DPP6: variants seen among roughly 807,000 people sequenced by gnomAD.
DPP6 encodes dipeptidyl peptidase like 6, also known as A-type potassium channel modulatory protein DPP6.
DPP6 carries 69 observed loss-of-function variants against 122.6 expected under a neutral mutation model. The observed-to-expected ratio is 0.56, with a 90% CI of 0.46 to 0.69. The LOEUF (loss-of-function observed/expected upper bound fraction) is 0.69, where lower values mean the gene tolerates loss of function less well. Ranked by LOEUF, DPP6 falls within the 30% of genes least tolerant of loss-of-function variation. The pLI is 0.00. For missense variants in DPP6, 928 were observed against 1,116.9 expected, an observed-to-expected ratio of 0.83 and a Z score of 2.41; for synonymous variants, 418 against 433.1, an observed-to-expected ratio of 0.97 and a Z score of 0.43.
the DPP6 span, among the ~76,000 whole-genome samples, chr7:153,860,322 G>T: frequency 2.0e-5 from 3 of 152,250 alleles, no homozygotes; most frequent in South Asian, 6.2e-4. Flanking sequence ...TCTCCACCCT[G>T]CTCAGTGCCC....
At chr7:154,439,148 C>A (rs1333142553) in intron 1 of DPP6, among the ~76,000 whole-genome samples, 1 of 152,092 alleles carries the variant, frequency 6.6e-6, no homozygotes, top group South Asian at 2.1e-4. Context: ...TTATTGAGTG[C>A]CTGCAGGGAT....
At position 154,202,048 on chromosome 7, in the gene DPP6, G is replaced by A. The variant is rs143641423; in HGVS notation, c.243+148985G>A. Among the ~76,000 whole-genome samples, 1,307 of 152,248 alleles carry A rather than the reference G, an allele frequency of 8.6e-3. 16 individuals are homozygous for A. Among genetic ancestry groups the A allele is most frequent in the African/African-American group, 0.03 (1,233 of 41,500 alleles). ...ACAGTTAGTAGTACCTAAAAGTGGA[G>A]CTACGACTAGTTTTCTTGGAGTGAG... On this transcript the variant is annotated intron_variant, in intron 1 of 25. Transcript: ENST00000377770.
intron 8 of DPP6, among the ~76,000 whole-genome samples, chr7:154,766,679 T>C (rs1795920012): frequency 6.6e-6 from 1 of 152,206 alleles, no homozygotes; most frequent in Non-Finnish European, 1.5e-5. Context: ...GAATTGAGCT[T>C]CATGGAAACA....
At chr7:154,524,885 G>A (rs57648704) in intron 3 of DPP6, among the ~76,000 whole-genome samples, 2,776 of 152,088 alleles carry the variant, frequency 0.018, 79 homozygotes, top group African/African-American at 0.064. Context: ...TTGCTTTCTG[G>A]CCAGTAAGAT....
At chr7:154,262,875 C>T (rs1057242480) in intron 1 of DPP6, among the ~76,000 whole-genome samples, 4 of 152,138 alleles carry the variant, frequency 2.6e-5, no homozygotes, top group Non-Finnish European at 4.4e-5. Context: ...CGCACTGTTA[C>T]TGGCTAAGGT....
the DPP6 span, among the ~76,000 whole-genome samples, chr7:153,758,303 C>G: frequency 6.6e-6 from 1 of 152,174 alleles, no homozygotes; most frequent in Non-Finnish European, 1.5e-5. Flanking sequence ...AGATTATTAC[C>G]TCTTTTGTTC....
chr7:154,450,818 C>A (rs568529186), intron 2 of DPP6, among the ~76,000 whole-genome samples: 1 of 152,302 alleles, frequency 6.6e-6, no homozygotes, highest in Admixed American at 6.5e-5. Flanking sequence ...CTACATATTT[C>A]TAACGAATAT....
intron 17 of DPP6, among the ~76,000 whole-genome samples, chr7:154,859,530 C>A (rs940845): frequency 0.034 from 5,161 of 152,338 alleles, 121 homozygotes; most frequent in East Asian, 0.11. Flanking sequence ...TTTCAGAATT[C>A]TTTGTCCTTT....
chr7:154,239,096 A>G (rs2150868692), intron 1 of DPP6, among the ~76,000 whole-genome samples: 1 of 152,376 alleles, frequency 6.6e-6, no homozygotes, highest in Non-Finnish European at 1.5e-5. Context: ...AAGCTCCACA[A>G]GAATGTTTTA....
At chr7:153,846,597 G>C in the DPP6 span, among the ~76,000 whole-genome samples, 1 of 147,882 alleles carries the variant, frequency 6.8e-6, no homozygotes, top group Admixed American at 6.8e-5. Context: ...TTTTTTTTCT[G>C]CCTCATCCAA....
chr7:153,855,852 A>G, the DPP6 span, among the ~76,000 whole-genome samples: 1 of 152,132 alleles, frequency 6.6e-6, no homozygotes, highest in Non-Finnish European at 1.5e-5. Context: ...TCAAAAAAAA[A>G]TATGATGTAA....
At chr7:154,095,191 G>A (rs1805236764) in intron 1 of DPP6, 1 of 150,476 alleles carries the variant, frequency 6.6e-6, no homozygotes, top group Non-Finnish European at 1.5e-5. Flanking sequence ...ACATCTGTGA[G>A]CAAGGAAACT....
upstream of DPP6, among the ~76,000 whole-genome samples, chr7:154,052,013 G>T (rs972721032): frequency 2.0e-5 from 3 of 151,478 alleles, no homozygotes. This position sits in a 1 kb window ranked among gnomAD's most constrained non-coding sequence, Gnocchi z 4.8. Flanking sequence ...GCGCGTGCGT[G>T]GCTGGGGCGC....
chr7:154,384,367 G>A (rs531688692), intron 1 of DPP6, among the ~76,000 whole-genome samples: 1 of 152,340 alleles, frequency 6.6e-6, no homozygotes, highest in African/African-American at 2.4e-5. Context: ...CACTGGGATT[G>A]AGAACATTCA....
At chr7:153,889,692 C>T (rs1799103178) in intron 1 of DPP6, among the ~76,000 whole-genome samples, 1 of 152,134 alleles carries the variant, frequency 6.6e-6, no homozygotes, top group Non-Finnish European at 1.5e-5. Context: ...AAGGATATTC[C>T]ATGTGATACT....
chr7:154,669,364 C>A lies in DPP6; in HGVS notation c.685C>A (p.Pro229Thr), dbSNP rs954737131. ...YVLSKIPHGD[P>T]QSLDPPEVSN... Reference sequence around the variant, plus strand: ...GTTTGTTTGTTCAATTTTCAGGGATCCTCAAAGTCTGGACCCACCAGAAGT... The same window carrying A: ...GTTTGTTTGTTCAATTTTCAGGGATACTCAAAGTCTGGACCCACCAGAAGT... Residue 229 changes from proline (P) to threonine (T), a missense_variant, in exon 7 of 26, where the codon CCT (proline) becomes ACT (threonine). Physicochemically the swap from Pro to Thr is conservative, Grantham distance 38. Coordinates refer to ENST00000377770, the MANE Select transcript of DPP6 (RefSeq NM_130797.4). 148 of 1,553,806 alleles carry A rather than the reference C, an allele frequency of 9.5e-5. No individual in the cohort carries two copies. Among genetic ancestry groups the A allele is most frequent in the Non-Finnish European group, 1.2e-4 (143 of 1,148,060 alleles).
chr7:154,336,373 G>A (rs1248512565), intron 1 of DPP6, among the ~76,000 whole-genome samples: 2 of 152,140 alleles, frequency 1.3e-5, no homozygotes, highest in Non-Finnish European at 2.9e-5. Context: ...AGGGCTCTTG[G>A]TCCATCTTGC....
At chr7:154,015,463 A>C (rs991541910) in intron 1 of DPP6, among the ~76,000 whole-genome samples, 1 of 152,120 alleles carries the variant, frequency 6.6e-6, no homozygotes, top group Non-Finnish European at 1.5e-5. Context: ...CTCAGTTTTC[A>C]AAGTGCCCAT....
At chr7:154,364,835 G>GTAGTTA (rs1812020380) in intron 1 of DPP6, among the ~76,000 whole-genome samples, 1 of 152,120 alleles carries the variant, frequency 6.6e-6, no homozygotes, top group Admixed American at 6.5e-5. Context: ...ATCGGAACCG[G>GTAGTTA]CACAGTAGTT....
Sources: allele counts gnomAD v4.1 joint callset (sites outside exome capture counted in the v4.1 genomes callset), GRCh38; gene constraint gnomAD v4.1.1; non-coding constraint Gnocchi (gnomAD v3.1); transcripts MANE v1.5; gene names NCBI Gene and HGNC (gene_info 2026-07-23, HGNC 2026-07-21).